The following SESN3 variants were observed in gnomAD, a reference collection of about 807,000 sequenced individuals.
SESN3 encodes the protein sestrin-3.
In SESN3, 21 loss-of-function variants were observed where a neutral mutation model predicts 55.3. That is an observed-to-expected ratio of 0.38 (90% CI 0.27 to 0.55). SESN3 has a LOEUF of 0.55. SESN3 is among the 20% of genes least tolerant of loss of function. SESN3 has a pLI of 0.76. For missense variants in SESN3, 408 were observed against 604.3 expected (o/e 0.68, Z 3.41); for synonymous variants, 181 against 203.1 (o/e 0.89, Z 0.93).
intron 1 of SESN3, chr11:95,201,436 G>A (rs1304834817): frequency 6.6e-6 from 1 of 152,094 alleles, no homozygotes; most frequent in Non-Finnish European, 1.5e-5. Flanking sequence ...TTAATTTGCA[G>A]TGCAGTATAA....
intron 4 of SESN3, 115 bp from the exon 5 acceptor site, chr11:95,185,607 T>C: frequency 1.4e-6 from 1 of 695,448 alleles, no homozygotes; most frequent in Non-Finnish European, 2.5e-6. Flanking sequence ...AACTTAAAAC[T>C]CTCTTTTAAA....
At chr11:95,188,082 C>T (rs892786111) in intron 4 of SESN3, among the ~76,000 whole-genome samples, 1 of 150,990 alleles carries the variant, frequency 6.6e-6, no homozygotes, top group Non-Finnish European at 1.5e-5. Context: ...CCAGTCTGTA[C>T]AATCTGTAAT....
chr11:95,180,460 C>G (rs1860039470), intron 6 of SESN3, among the ~76,000 whole-genome samples: 1 of 152,032 alleles, frequency 6.6e-6, no homozygotes, highest in Non-Finnish European at 1.5e-5. Context: ...GCTCCGGTTA[C>G]CCAATTTCAG....
At position 95,171,934 on chromosome 11, in the gene SESN3, G is replaced by GACTT. The variant is rs1320705846; in HGVS notation, c.*1317_*1320dup. 1 of 152,060 alleles carries GACTT rather than the reference G, an allele frequency of 6.6e-6. No homozygotes were observed. Among genetic ancestry groups the GACTT allele is most frequent in the African/African-American group, 2.4e-5 (1 of 41,410 alleles). 9.4% of individuals were successfully genotyped at this position (152,060 alleles called of 1,614,324 possible). A position where few individuals can be genotyped will look rare whatever the true frequency, so the allele number is the denominator to read the frequency against. On this transcript the variant is annotated 3_prime_UTR_variant, in exon 10 of 10. Coordinates refer to ENST00000536441, the MANE Select transcript of SESN3 (RefSeq NM_144665.4). ...TTTTGGCCGCTTATTCCTCCCCTAT[G>GACTT]ACTTAATAACGTTTTTAAACCAGTT...
chr11:95,216,943 T>C (rs777581008), intron 1 of SESN3, among the ~76,000 whole-genome samples: 5 of 151,572 alleles, frequency 3.3e-5, no homozygotes, highest in African/African-American at 7.3e-5. Flanking sequence ...CTGTCTCTAC[T>C]AAAAATACAA....
At chr11:95,218,918 C>T (rs982259248) in intron 1 of SESN3, among the ~76,000 whole-genome samples, 2 of 152,224 alleles carry the variant, frequency 1.3e-5, no homozygotes, top group Admixed American at 6.5e-5. Context: ...TCCCAAAGTG[C>T]TGGGATTACA....
intron 6 of SESN3, among the ~76,000 whole-genome samples, chr11:95,179,644 A>C (rs1432486164): frequency 3.3e-5 from 5 of 152,170 alleles, no homozygotes. Context: ...AAGGACACTC[A>C]GTGGGGAGGA....
At position 95,230,146 on chromosome 11, in the gene SESN3, C is replaced by G. The variant is rs538258096; in HGVS notation, c.78+637G>C. The G allele has an allele frequency of 1.2e-4, 18 of 152,590 alleles. No homozygotes were observed. The East Asian group carries it at 3.3e-3, about 28-fold the overall frequency. The allele number at this position is 152,590 out of a possible 1,614,324, so 9.5% of individuals were successfully genotyped here. Reference sequence around the variant, plus strand: ...CCCACATCCACCTCAGTCTTCTCCTCCCCCAACCCCAGCCTCAGGAACTGG... The same window carrying G: ...CCCACATCCACCTCAGTCTTCTCCTGCCCCAACCCCAGCCTCAGGAACTGG... On this transcript the variant is annotated intron_variant, in intron 1 of 9. Transcript: ENST00000536441. This position sits in a 1 kb window ranked among gnomAD's most constrained non-coding sequence, Gnocchi z 4.6.
At chr11:95,225,845 C>G (rs1162147860) in intron 1 of SESN3, among the ~76,000 whole-genome samples, 1 of 152,096 alleles carries the variant, frequency 6.6e-6, no homozygotes, top group Non-Finnish European at 1.5e-5. Context: ...TTACCACCCC[C>G]CCTTTTATTA....
chr11:95,216,610 T>C (rs957587539), intron 1 of SESN3, among the ~76,000 whole-genome samples: 2 of 152,220 alleles, frequency 1.3e-5, no homozygotes, highest in Non-Finnish European at 2.9e-5. Flanking sequence ...AATGGAGTTA[T>C]ATCATTGAGG....
intron 1 of SESN3, among the ~76,000 whole-genome samples, chr11:95,202,806 G>T (rs1394803718): frequency 6.6e-6 from 1 of 151,776 alleles, no homozygotes; most frequent in Non-Finnish European, 1.5e-5. Flanking sequence ...ATAAGATCTG[G>T]TCCCAAAAAA....
intron 1 of SESN3, among the ~76,000 whole-genome samples, chr11:95,199,145 G>A (rs1009362944): frequency 3.9e-5 from 6 of 151,994 alleles, no homozygotes; most frequent in African/African-American, 1.4e-4. Flanking sequence ...AAGTACTTAA[G>A]AAATTTTAAA....
At chr11:95,212,876 T>C (rs1392815714) in intron 1 of SESN3, among the ~76,000 whole-genome samples, 2 of 152,184 alleles carry the variant, frequency 1.3e-5, no homozygotes, top group South Asian at 4.1e-4. Context: ...TTTGTCTTTA[T>C]CTCAATGCAT....
At chr11:95,206,365 TACACACACACACACACAC>T (rs3032056) in intron 1 of SESN3, among the ~76,000 whole-genome samples, 13 of 140,374 alleles carry the variant, frequency 9.3e-5, no homozygotes, top group Non-Finnish European at 1.3e-4. Context: ...AGTCCTAAAA[TACACACACACACACACAC>T]ACACACACAC....
intron 1 of SESN3, among the ~76,000 whole-genome samples, chr11:95,197,802 G>A (rs556293693): frequency 6.6e-6 from 1 of 152,200 alleles, no homozygotes; most frequent in East Asian, 1.9e-4. Context: ...GAAAAAATAA[G>A]GGCACAGGAT....
chr11:95,206,074 A>T (rs1415380801), intron 1 of SESN3, among the ~76,000 whole-genome samples: 2 of 152,094 alleles, frequency 1.3e-5, no homozygotes, highest in African/African-American at 4.8e-5. Context: ...ACCCACAGCG[A>T]GTTTTCCCGT....
At chr11:95,222,701 G>A (rs994300065) in intron 1 of SESN3, among the ~76,000 whole-genome samples, 5 of 152,166 alleles carry the variant, frequency 3.3e-5, no homozygotes, top group African/African-American at 1.2e-4. Context: ...TGAATATCAT[G>A]GCAGTCCAGA....
intron 8 of SESN3, among the ~76,000 whole-genome samples, chr11:95,177,272 A>C (rs1859975680): frequency 6.6e-6 from 1 of 152,182 alleles, no homozygotes. Flanking sequence ...ACCTTATGTA[A>C]GCTTATGAAG....
Position 95,178,841 on chromosome 11 carries a change from A to G in SESN3, c.938-13T>C, listed in dbSNP as rs566990551. 3 of 1,423,834 alleles carry G rather than the reference A, an allele frequency of 2.1e-6. No individual in the cohort carries two copies. The Admixed American group carries it at 5.0e-5, about 24-fold the overall frequency. 88.2% of individuals were successfully genotyped at this position (1,423,834 alleles called of 1,614,324 possible). On this transcript the variant is annotated splice_polypyrimidine_tract_variant and intron_variant, in intron 6 of 9. Transcript: ENST00000536441. ...TCATCCTCAAAATCTAAGGACAATA[A>G]TGAACAATCTAGTGTTAAGGATACT... is the stretch of plus-strand genomic sequence containing the variant.
Sources: allele counts gnomAD v4.1 joint callset (sites outside exome capture counted in the v4.1 genomes callset), GRCh38; gene constraint gnomAD v4.1.1; non-coding constraint Gnocchi (gnomAD v3.1); transcripts MANE v1.5; gene names NCBI Gene and HGNC (gene_info 2026-07-23, HGNC 2026-07-21).